DPH6: variants seen among roughly 807,000 people sequenced by gnomAD.
DPH6 encodes the protein diphthine--ammonia ligase.
A neutral mutation model predicts 38.2 loss-of-function variants in DPH6; 33 were observed. The ratio of observed to expected loss-of-function variants is 0.86; its 90% CI spans 0.65 to 1.15. The LOEUF is 1.15. DPH6 is among the 50% of genes most tolerant of loss of function. The pLI is 0.00. For synonymous variants in DPH6, 108 were observed against 103.0 expected, an observed-to-expected ratio of 1.05 and a Z score of -0.30; for missense variants, 325 against 320.0, an observed-to-expected ratio of 1.02 and a Z score of -0.12.
intron 3 of DPH6, chr15:35,237,012 T>C (rs913919308): frequency 1.0e-5 from 3 of 289,042 alleles, no homozygotes; most frequent in African/African-American, 4.4e-5. Context: ...TGGTGAGTTG[T>C]TGAAGGAAGT....
chr15:35,454,664 T>C, intron 4 of DPH6, 83 bp downstream of exon 4: 1 of 1,194,174 alleles, frequency 8.4e-7, no homozygotes. Context: ...CTATTTATAA[T>C]TTGAATATGA....
intron 3 of DPH6, among the ~76,000 whole-genome samples, chr15:35,462,433 C>T (rs913902001): frequency 1.3e-5 from 2 of 152,170 alleles, no homozygotes; most frequent in African/African-American, 4.8e-5. Context: ...CTGACATCAC[C>T]ACCAACTACT....
chr15:35,495,175 T>A (rs2054533409), intron 3 of DPH6, among the ~76,000 whole-genome samples: 1 of 152,180 alleles, frequency 6.6e-6, no homozygotes, highest in African/African-American at 2.4e-5. Context: ...GTGACTGTAT[T>A]TGGAGATAAG....
chr15:35,157,027 T>C, the DPH6 span, among the ~76,000 whole-genome samples: 1 of 152,308 alleles, frequency 6.6e-6, no homozygotes, highest in East Asian at 1.9e-4. Flanking sequence ...AATTGAACCT[T>C]GATTAACAAG....
At chr15:35,197,488 C>A in the DPH6 span, among the ~76,000 whole-genome samples, 3 of 152,072 alleles carry the variant, frequency 2.0e-5, no homozygotes, top group African/African-American at 7.2e-5. Context: ...ATGGCTGTGG[C>A]CAGGGATATG....
At chr15:35,481,982 C>T (rs895522857) in intron 3 of DPH6, among the ~76,000 whole-genome samples, 1 of 152,050 alleles carries the variant, frequency 6.6e-6, no homozygotes, top group African/African-American at 2.4e-5. Flanking sequence ...AAGGTATAAA[C>T]CAAATTAAGA....
At chr15:35,237,472 A>G (rs951845915) in intron 3 of DPH6, 2 of 1,591,812 alleles carry the variant, frequency 1.3e-6, no homozygotes, top group African/African-American at 2.7e-5. Context: ...TCTTCAGTGC[A>G]ACCAACGTAG....
At chr15:35,294,712 G>A (rs907989786) in intron 3 of DPH6, among the ~76,000 whole-genome samples, 3 of 152,108 alleles carry the variant, frequency 2.0e-5, no homozygotes, top group African/African-American at 7.2e-5. Flanking sequence ...TCTAGCAAAG[G>A]AGTCAAACTT....
intron 3 of DPH6, among the ~76,000 whole-genome samples, chr15:35,512,335 G>A (rs941974937): frequency 6.6e-6 from 1 of 151,964 alleles, no homozygotes; most frequent in African/African-American, 2.4e-5. Flanking sequence ...GTGGCTAGTT[G>A]GAAAACAGAA....
chr15:35,345,940 C>G (rs2052458314), intron 3 of DPH6, among the ~76,000 whole-genome samples: 1 of 151,942 alleles, frequency 6.6e-6, no homozygotes, highest in Non-Finnish European at 1.5e-5. Flanking sequence ...GTTATCTTTT[C>G]TACTTGACAT....
chr15:35,383,665 G>T (rs941547737), intron 6 of DPH6, among the ~76,000 whole-genome samples: 2 of 152,196 alleles, frequency 1.3e-5, no homozygotes, highest in Admixed American at 1.3e-4. Context: ...TTGGGATAAA[G>T]AACCCAGTGG....
chr15:35,494,400 A>G (rs117079233), intron 3 of DPH6, among the ~76,000 whole-genome samples: 1 of 152,248 alleles, frequency 6.6e-6, no homozygotes, highest in East Asian at 1.9e-4. Context: ...TAGAGGAGTC[A>G]TTTCTATTAT....
chr15:35,244,344 G>A (rs78354369), intron 3 of DPH6, among the ~76,000 whole-genome samples: 3,074 of 152,238 alleles, frequency 0.02, 94 homozygotes, highest in African/African-American at 0.07. Flanking sequence ...TCTATAGCAC[G>A]TTAGTATAAA....
At chr15:35,496,320 C>T (rs989347759) in intron 3 of DPH6, among the ~76,000 whole-genome samples, 3 of 151,166 alleles carry the variant, frequency 2.0e-5, no homozygotes, top group South Asian at 2.1e-4. Context: ...TTTGGGAGGC[C>T]GAGGCGGGTG....
intron 3 of DPH6, among the ~76,000 whole-genome samples, chr15:35,479,092 A>T (rs942570438): frequency 9.2e-5 from 14 of 151,956 alleles, no homozygotes; most frequent in African/African-American, 2.9e-4. Context: ...TCAAATTAAC[A>T]CTCCATCATC....
chr15:35,369,618 T>C (rs1595504941), downstream of DPH6, among the ~76,000 whole-genome samples: 1 of 133,666 alleles, frequency 7.5e-6, no homozygotes, highest in East Asian at 2.2e-4. Flanking sequence ...AAGCCTGTTA[T>C]ATGAAAAAAA....
chr15:35,475,427 A>T (rs1015961718), intron 3 of DPH6, among the ~76,000 whole-genome samples: 7 of 151,964 alleles, frequency 4.6e-5, no homozygotes, highest in African/African-American at 1.7e-4. Context: ...TGAGAACCTA[A>T]TCAGAGCCAG....
At chr15:35,374,936 T>A (rs551370712) in intron 7 of DPH6, among the ~76,000 whole-genome samples, 80 of 152,194 alleles carry the variant, frequency 5.3e-4, no homozygotes, top group African/African-American at 1.9e-3. Context: ...CACAGTTGCC[T>A]GCTCTGGTCC....
intron 3 of DPH6, among the ~76,000 whole-genome samples, chr15:35,476,562 T>C (rs1245802460): frequency 6.6e-6 from 1 of 151,874 alleles, no homozygotes; most frequent in African/African-American, 2.4e-5. Context: ...GCACAAAGAT[T>C]CTATTTTTTT....
Sources: gnomAD v4.1 joint callset for allele counts (sites outside exome capture counted in the v4.1 genomes callset) on GRCh38, gnomAD v4.1.1 for gene constraint, MANE v1.5 for transcripts, NCBI Gene and HGNC (gene_info 2026-07-23, HGNC 2026-07-21) for gene names.